Variants in FOXJ3 observed in about 807,000 individuals in gnomAD.
FOXJ3 encodes forkhead box J3.
In FOXJ3, 22 loss-of-function variants were observed where a neutral mutation model predicts 76.1. The ratio of observed to expected loss-of-function variants is 0.29; its 90% CI spans 0.21 to 0.41. FOXJ3 has a LOEUF of 0.41. Among genes scored for constraint, FOXJ3 ranks in the 10% least tolerant of loss-of-function variants. The pLI is 1.00. For missense variants in FOXJ3, 613 were observed against 762.1 expected (o/e 0.80, Z 2.30); for synonymous variants, 269 against 261.2 (o/e 1.03, Z -0.29).
At chr1:42,238,860 G>A (rs1168291992) in intron 4 of FOXJ3, among the ~76,000 whole-genome samples, 1 of 151,906 alleles carries the variant, frequency 6.6e-6, no homozygotes. Flanking sequence ...TTTTTTATTG[G>A]GTTTACATTA....
chr1:42,228,001 C>G, intron 4 of FOXJ3, 35 bp from the exon 5 acceptor site: 1 of 1,080,258 alleles, frequency 9.3e-7, no homozygotes, highest in Non-Finnish European at 1.3e-6. Flanking sequence ...CAGTATATTA[C>G]AGCAAACCTA....
intron 2 of FOXJ3, among the ~76,000 whole-genome samples, chr1:42,279,408 G>A (rs573168603): frequency 1.3e-5 from 2 of 152,264 alleles, no homozygotes; most frequent in Admixed American, 1.3e-4. Context: ...CTGAAATTGT[G>A]GGAGTACAGA....
intron 7 of FOXJ3, among the ~76,000 whole-genome samples, chr1:42,197,057 G>A (rs967013064): frequency 3.9e-5 from 6 of 152,084 alleles, no homozygotes; most frequent in African/African-American, 1.2e-4. Flanking sequence ...AACAAGGGCA[G>A]GATACTTTCT....
At chr1:42,287,142 C>T (rs1653109611) in intron 2 of FOXJ3, among the ~76,000 whole-genome samples, 1 of 151,434 alleles carries the variant, frequency 6.6e-6, no homozygotes, top group South Asian at 2.1e-4. Flanking sequence ...AGTTGGAGAC[C>T]AGCCTGGCCA....
At chr1:42,318,517 G>A (rs1301944524) in intron 1 of FOXJ3, among the ~76,000 whole-genome samples, 1 of 151,956 alleles carries the variant, frequency 6.6e-6, no homozygotes, top group Non-Finnish European at 1.5e-5. Flanking sequence ...AATTTTTTTT[G>A]TATTTTTAGT....
intron 1 of FOXJ3, 79 bp from the exon 2 acceptor site, chr1:42,311,189 AAC>A (rs1296821668): frequency 3.4e-6 from 3 of 893,180 alleles, no homozygotes; most frequent in East Asian, 5.2e-5. Context: ...TTTAATTTAA[AAC>A]ACTCTGAAAA....
chr1:42,288,679 T>C (rs1653218980), intron 2 of FOXJ3, among the ~76,000 whole-genome samples: 1 of 152,214 alleles, frequency 6.6e-6, no homozygotes, highest in South Asian at 2.1e-4. Context: ...ACTATTTTCA[T>C]AAAACATTAT....
chr1:42,256,955 T>C (rs986750212), intron 4 of FOXJ3, among the ~76,000 whole-genome samples: 1 of 152,036 alleles, frequency 6.6e-6, no homozygotes, highest in Non-Finnish European at 1.5e-5. Context: ...CACAAATGAG[T>C]ATATATTGAA....
chr1:42,249,727 T>C (rs1649862486), intron 4 of FOXJ3, among the ~76,000 whole-genome samples: 1 of 152,184 alleles, frequency 6.6e-6, no homozygotes, highest in Non-Finnish European at 1.5e-5. Flanking sequence ...TATGAAAATG[T>C]CAAAGACCTA....
intron 1 of FOXJ3, among the ~76,000 whole-genome samples, chr1:42,313,983 T>C (rs1654960990): frequency 2.0e-5 from 3 of 152,330 alleles, no homozygotes; most frequent in South Asian, 2.1e-4. Context: ...AAATTTACCA[T>C]GTTTAAAACT....
At chr1:42,281,291 T>C (rs1420609119) in intron 2 of FOXJ3, among the ~76,000 whole-genome samples, 9 of 152,042 alleles carry the variant, frequency 5.9e-5, no homozygotes, top group Non-Finnish European at 1.3e-4. Flanking sequence ...AAGAACTGAA[T>C]AAAAGTACAC....
Position 42,194,880 on chromosome 1 carries a change from G to T in FOXJ3, c.934+10C>A. On this transcript the variant is annotated intron_variant, in intron 8 of 12. Coordinates refer to ENST00000361346, the MANE Select transcript of FOXJ3 (RefSeq NM_014947.5). ...AACTTTGTTATAAAAAAGATTTTAA[G>T]AAAACTCACCTTGTTGACTAAGTGA... 4 of 1,549,864 alleles carry T rather than the reference G, an allele frequency of 2.6e-6. No homozygotes were observed. Among genetic ancestry groups the T allele is most frequent in the Non-Finnish European group, 3.5e-6 (4 of 1,151,328 alleles).
intron 1 of FOXJ3, among the ~76,000 whole-genome samples, chr1:42,324,038 CTATA>C (rs1403512330): frequency 3.8e-5 from 1 of 26,178 alleles, no homozygotes; most frequent in African/African-American, 1.5e-4. Context: ...TATATACACA[CTATA>C]TATAGTATAT....
chr1:42,228,004 C>A, intron 4 of FOXJ3, 38 bp from the exon 5 acceptor site: 2 of 1,044,698 alleles, frequency 1.9e-6, no homozygotes, highest in South Asian at 1.9e-5. Context: ...TATATTACAG[C>A]AAACCTATGA....
At chr1:42,193,805 A>G (rs1200836282) in intron 8 of FOXJ3, among the ~76,000 whole-genome samples, 4 of 152,148 alleles carry the variant, frequency 2.6e-5, no homozygotes, top group Non-Finnish European at 5.9e-5. Context: ...TCCCTCCAAA[A>G]TTCGTATGTT....
intron 2 of FOXJ3, among the ~76,000 whole-genome samples, chr1:42,308,590 T>C (rs1010811968): frequency 1.3e-5 from 2 of 152,162 alleles, no homozygotes; most frequent in Non-Finnish European, 2.9e-5. Context: ...CCGAATGCCG[T>C]AGGGCTTCTC....
rs992298227 is a variant in FOXJ3, at chr1:42,257,899, A to G, written c.444+7216T>C. Among the ~76,000 whole-genome samples the G allele has an allele frequency of 2.6e-5, 4 of 152,236 alleles. 1 individual carries two copies. Among genetic ancestry groups the G allele is most frequent in the Admixed American group, 2.0e-4 (3 of 15,286 alleles). On this transcript the variant is annotated intron_variant, in intron 4 of 12. Transcript: ENST00000361346. ...AAACTTTATTTCTAGCTAAAATTTT[A>G]TGTCAACACAAAGTACCCTGCATAT...
intron 3 of FOXJ3, among the ~76,000 whole-genome samples, chr1:42,268,594 A>T (rs1253205309): frequency 6.6e-6 from 1 of 152,214 alleles, no homozygotes; most frequent in Non-Finnish European, 1.5e-5. Context: ...AAGCAAATAT[A>T]ATTTATTACG....
chr1:42,274,899 G>A (rs7527222), intron 3 of FOXJ3, among the ~76,000 whole-genome samples: 4 of 151,374 alleles, frequency 2.6e-5, no homozygotes, highest in South Asian at 2.1e-4. Context: ...GGGGGCAAAA[G>A]AGACAAGGTC....
Sources: allele counts gnomAD v4.1 joint callset (sites outside exome capture counted in the v4.1 genomes callset), GRCh38; gene constraint gnomAD v4.1.1; transcripts MANE v1.5; gene names NCBI Gene and HGNC (gene_info 2026-07-23, HGNC 2026-07-21).